PAMR1: variants seen among roughly 807,000 people sequenced by gnomAD.
PAMR1 encodes inactive serine protease PAMR1.
PAMR1 carries 88 observed loss-of-function variants against 81.8 expected under a neutral mutation model. The ratio of observed to expected loss-of-function variants is 1.08; its 90% confidence interval spans 0.91 to 1.28. The LOEUF (loss-of-function observed/expected upper bound fraction) is 1.28, where lower values mean the gene tolerates loss of function less well. Among genes scored for constraint, PAMR1 ranks in the 50% most tolerant of loss-of-function variants. The probability of loss-of-function intolerance (pLI) is 0.00; values close to 1 mark genes in which losing one functional copy is unlikely to be tolerated. For missense variants in PAMR1, 935 were observed against 919.7 expected (o/e 1.02, Z -0.21); for synonymous variants, 336 against 345.3 (o/e 0.97, Z 0.30).
Position 35,441,546 on chromosome 11 carries a change from C to T in PAMR1, c.968G>A (p.Gly323Asp). 2 of 1,613,858 alleles carry T rather than the reference C, an allele frequency of 1.2e-6. No homozygotes were observed. Among genetic ancestry groups the T allele is most frequent in the Non-Finnish European group, 1.7e-6 (2 of 1,179,908 alleles). The change falls in exon 7 of 11, where the codon GGC (glycine) becomes GAC (aspartate). Residue 323 changes from glycine to aspartate, a missense_variant. By Grantham distance (94) the Gly-to-Asp change is moderately conservative (BLOSUM62 -1). Coordinates refer to ENST00000619888, the MANE Select transcript of PAMR1 (RefSeq NM_001001991.3). ...FFCNNSYVLS[G>D]NEKRTCQQNG... is the part of the protein sequence containing the mutation. ...CTGCTGGCAAGTTCTTTTCTCATTG[C>T]CACTAAGAACATAGGAGTTGTTACA...
chr11:35,445,983 G>A (rs1339054641), intron 6 of PAMR1, among the ~76,000 whole-genome samples: 1 of 152,084 alleles, frequency 6.6e-6, no homozygotes, highest in Non-Finnish European at 1.5e-5. Context: ...TGATTGGTAG[G>A]CTATTAATTA....
chr11:35,437,053 C>A (rs151049106), intron 8 of PAMR1, among the ~76,000 whole-genome samples: 1 of 152,050 alleles, frequency 6.6e-6, no homozygotes, highest in African/African-American at 2.4e-5. Flanking sequence ...TCTCTCAGGG[C>A]GCATTGATCG....
chr11:35,436,448 C>A (rs1856046248), intron 8 of PAMR1, among the ~76,000 whole-genome samples: 2 of 152,070 alleles, frequency 1.3e-5, no homozygotes, highest in South Asian at 4.1e-4. Flanking sequence ...CCACGCCCAG[C>A]TAATTTTTGT....
chr11:35,493,054 G>A (rs566540612), intron 2 of PAMR1, among the ~76,000 whole-genome samples: 12 of 152,212 alleles, frequency 7.9e-5, no homozygotes, highest in Admixed American at 2.0e-4. Context: ...CAGAGCATCC[G>A]ACTTGACTCT....
Position 35,441,620 on chromosome 11 carries a change from C to T in PAMR1, c.894G>A (p.Gly298=). The T allele has an allele frequency of 1.2e-6, 2 of 1,613,954 alleles. No homozygotes were observed. Among genetic ancestry groups the T allele is most frequent in the Non-Finnish European group, 8.5e-7 (1 of 1,179,886 alleles). The change falls in exon 7 of 11, where the codon GGG becomes GGA. Residue 298 remains glycine, a synonymous_variant. Coordinates refer to ENST00000619888, the MANE Select transcript of PAMR1 (RefSeq NM_001001991.3). ...TTTTAGCATGGCGTCCGTTGATAAG[C>T]CCAGGGCCCCCTGTTATTTTCTGGT... The part of the protein sequence containing the change: ...NGYQKITGGP[G]LINGRHAKIG...
chr11:35,445,270 A>G (rs2421896), intron 6 of PAMR1, among the ~76,000 whole-genome samples: 51,609 of 152,088 alleles, frequency 0.34, 9,104 homozygotes, highest in African/African-American at 0.44. Flanking sequence ...TAGATATAGG[A>G]TCATGCCATT....
At chr11:35,461,451 G>C (rs1856653125) in intron 6 of PAMR1, among the ~76,000 whole-genome samples, 1 of 152,072 alleles carries the variant, frequency 6.6e-6, no homozygotes, top group African/African-American at 2.4e-5. Flanking sequence ...CCTTATGTCA[G>C]AACCCCTAAG....
chr11:35,474,603 T>C (rs1376201746), intron 4 of PAMR1, 27 bp downstream of exon 4: 2 of 1,343,980 alleles, frequency 1.5e-6, no homozygotes, highest in Non-Finnish European at 2.1e-6. Context: ...AACCTCAGAC[T>C]CCTGACTTCT....
chr11:35,456,281 G>T (rs1156353647), intron 6 of PAMR1, among the ~76,000 whole-genome samples: 3 of 152,142 alleles, frequency 2.0e-5, no homozygotes, highest in African/African-American at 7.2e-5. Context: ...TTTGAATGAG[G>T]TGCAGGGTCT....
intron 5 of PAMR1, among the ~76,000 whole-genome samples, chr11:35,469,591 G>A (rs576593144): frequency 1.4e-4 from 22 of 152,348 alleles, no homozygotes; most frequent in Non-Finnish European, 8.8e-5. Flanking sequence ...CACAGAGACT[G>A]TAGAGAGCAC....
intron 3 of PAMR1, among the ~76,000 whole-genome samples, chr11:35,481,964 A>G (rs1036479141): frequency 1.3e-5 from 2 of 151,924 alleles, no homozygotes; most frequent in Non-Finnish European, 2.9e-5. Flanking sequence ...GATTACAAAA[A>G]TTTTCTCCAA....
At chr11:35,461,372 G>A (rs1856651195) in intron 6 of PAMR1, among the ~76,000 whole-genome samples, 1 of 152,116 alleles carries the variant, frequency 6.6e-6, no homozygotes, top group African/African-American at 2.4e-5. Context: ...TTTGGTATTT[G>A]GCTCTAGCCT....
chr11:35,511,131 T>A (rs892788049), intron 1 of PAMR1, among the ~76,000 whole-genome samples: 23 of 152,118 alleles, frequency 1.5e-4, no homozygotes, highest in African/African-American at 5.6e-4. Flanking sequence ...AATGAGTGAG[T>A]GAAAGAAAGC....
intron 6 of PAMR1, among the ~76,000 whole-genome samples, chr11:35,452,869 A>G (rs1856448552): frequency 6.6e-6 from 1 of 152,316 alleles, no homozygotes; most frequent in South Asian, 2.1e-4. Flanking sequence ...TTTCTATGAA[A>G]TTATTTAAAT....
chr11:35,446,686 T>C (rs1166773698), intron 6 of PAMR1, among the ~76,000 whole-genome samples: 1 of 152,248 alleles, frequency 6.6e-6, no homozygotes, highest in Non-Finnish European at 1.5e-5. Flanking sequence ...TTAATTGTGC[T>C]GTGGTCTGGG....
In PAMR1 at chr11:35,470,760, G is replaced by A. The variant is rs139790960; in HGVS notation, c.553C>T (p.Arg185Cys). The A allele has an allele frequency of 7.5e-5, 121 of 1,614,080 alleles. No individual in the cohort carries two copies. In the East Asian group the frequency reaches 1.3e-3, roughly 17 times the overall value. ...TGGCCATCGCGGTTGTCTCCATCAC[G>A]AACCTCAACATAGTCATACTGGCAC... ...YMCQYDYVEV[R>C]DGDNRDGQII... Residue 185 changes from arginine (R) to cysteine (C), a missense_variant, in exon 5 of 11, where the codon CGT (arginine) becomes TGT (cysteine). Physicochemically the swap from Arg to Cys is radical, Grantham distance 180. Transcript: ENST00000619888.
chr11:35,523,546 A>C (rs12803861), intron 1 of PAMR1, among the ~76,000 whole-genome samples: 52,615 of 152,106 alleles, frequency 0.35, 9,374 homozygotes, highest in Non-Finnish European at 0.37. Context: ...TGCCAGTGAG[A>C]AACAACACTC....
At chr11:35,444,673 G>C (rs1856254024) in intron 6 of PAMR1, among the ~76,000 whole-genome samples, 1 of 152,132 alleles carries the variant, frequency 6.6e-6, no homozygotes, top group Non-Finnish European at 1.5e-5. Context: ...TCTTATTTCT[G>C]AGGTCTCTGT....
At chr11:35,527,912 C>T (rs1276582870), upstream of PAMR1, among the ~76,000 whole-genome samples, 2 of 152,126 alleles carry the variant, frequency 1.3e-5, no homozygotes, top group East Asian at 3.9e-4. Flanking sequence ...AAAATGAAAA[C>T]TTTTATGGGG....
Sources: gnomAD v4.1 joint callset for allele counts (sites outside exome capture counted in the v4.1 genomes callset) on GRCh38, gnomAD v4.1.1 for gene constraint, MANE v1.5 for transcripts, NCBI Gene and HGNC (gene_info 2026-07-23, HGNC 2026-07-21) for gene names.